Variants in CDH18 observed in about 807,000 individuals in gnomAD.
CDH18 encodes cadherin 18, also known as cadherin-18.
Under a neutral mutation model 67.9 loss-of-function variants are expected in CDH18, and 31 were observed. The ratio of observed to expected loss-of-function variants is 0.46; its 90% CI spans 0.34 to 0.62. The LOEUF is 0.62. CDH18 is among the 20% of genes least tolerant of loss of function. The pLI is 0.01. For missense variants in CDH18, 890 were observed against 975.5 expected (o/e 0.91, Z 1.17); for synonymous variants, 362 against 347.2 (o/e 1.04, Z -0.48).
At chr5:19,994,533 T>TTGAAAC (rs1350155870) in intron 2 of CDH18, among the ~76,000 whole-genome samples, 16 of 149,770 alleles carry the variant, frequency 1.1e-4, no homozygotes, top group Non-Finnish European at 2.1e-4. Context: ...GCTACTGAAA[T>TTGAAAC]TGAAACTACT....
chr5:19,547,129 CCTT>C (rs1354603064), intron 8 of CDH18, among the ~76,000 whole-genome samples: 1 of 151,994 alleles, frequency 6.6e-6, no homozygotes, highest in Non-Finnish European at 1.5e-5. Context: ...AAAACAAAAC[CCTT>C]CTTATAACAT....
At chr5:19,645,034 A>C (rs1027298473) in intron 5 of CDH18, among the ~76,000 whole-genome samples, 12 of 152,188 alleles carry the variant, frequency 7.9e-5, no homozygotes, top group African/African-American at 1.2e-4. Flanking sequence ...AAATAAGAGA[A>C]TAGCAATGCC....
intron 3 of CDH18, among the ~76,000 whole-genome samples, chr5:19,752,161 A>T (rs926645030): frequency 1.3e-5 from 2 of 152,148 alleles, no homozygotes; most frequent in Non-Finnish European, 2.9e-5. Flanking sequence ...GGGGTAGAGG[A>T]AGCAGTGTCC....
intron 2 of CDH18, among the ~76,000 whole-genome samples, chr5:20,234,515 A>G (rs1334857207): frequency 6.6e-6 from 1 of 152,110 alleles, no homozygotes; most frequent in Non-Finnish European, 1.5e-5. Flanking sequence ...TCCACTGTGT[A>G]AAATATATCA....
At position 19,510,746 on chromosome 5, in the gene CDH18, T is replaced by C. The variant is rs188678576; in HGVS notation, c.1513-7637A>G. Among the ~76,000 whole-genome samples, 14 of 151,608 alleles carry C rather than the reference T, an allele frequency of 9.2e-5. 1 individual carries two copies. The highest frequency in any genetic ancestry group is 3.4e-4 in the African/African-American group (14 of 41,306). ...CCTACCTGGAGAGACCAGGTGGAGG[T>C]AATTGGATCATGAGGGTGGCTTTCC... On this transcript the variant is annotated intron_variant, in intron 10 of 12. Transcript: ENST00000382275.
intron 1 of CDH18, among the ~76,000 whole-genome samples, chr5:19,984,488 T>C (rs1191633177): frequency 6.6e-6 from 1 of 152,200 alleles, no homozygotes; most frequent in Non-Finnish European, 1.5e-5. Flanking sequence ...AGATGTTCAC[T>C]TTCATCCATG....
At chr5:20,075,777 T>C (rs759762961) in intron 2 of CDH18, among the ~76,000 whole-genome samples, 1 of 152,184 alleles carries the variant, frequency 6.6e-6, no homozygotes, top group Non-Finnish European at 1.5e-5. Context: ...CCTGTGTTGA[T>C]GATAATTTAG....
chr5:20,011,000 G>A (rs552801808), intron 2 of CDH18, among the ~76,000 whole-genome samples: 7 of 152,136 alleles, frequency 4.6e-5, no homozygotes, highest in African/African-American at 1.4e-4. Flanking sequence ...TCCCCTGCAC[G>A]CACACATCAT....
At chr5:19,530,600 C>T (rs1420054943) in intron 9 of CDH18, among the ~76,000 whole-genome samples, 1 of 151,630 alleles carries the variant, frequency 6.6e-6, no homozygotes. Context: ...TACCCCACAA[C>T]AGTCCCCAGA....
intron 3 of CDH18, among the ~76,000 whole-genome samples, chr5:19,831,353 T>C (rs946233600): frequency 1.3e-5 from 2 of 151,528 alleles, no homozygotes; most frequent in Non-Finnish European, 2.9e-5. Flanking sequence ...TGGGAGAAAA[T>C]TTTTGCAAAC....
At chr5:20,271,641 A>G (rs1745441908) in intron 1 of CDH18, among the ~76,000 whole-genome samples, 1 of 152,076 alleles carries the variant, frequency 6.6e-6, no homozygotes. Context: ...CGTCACACAC[A>G]CTCAAACACA....
At chr5:19,790,178 G>A (rs1355289200) in intron 3 of CDH18, among the ~76,000 whole-genome samples, 1 of 151,938 alleles carries the variant, frequency 6.6e-6, no homozygotes, top group Admixed American at 6.6e-5. Context: ...ACTTTTTTAT[G>A]CTTCTCTCTA....
At chr5:19,699,612 A>ATGTGTG (rs760334528) in intron 5 of CDH18, among the ~76,000 whole-genome samples, 16 of 139,008 alleles carry the variant, frequency 1.2e-4, no homozygotes, top group Non-Finnish European at 1.5e-4. Flanking sequence ...CTCTTTCTCC[A>ATGTGTG]TGTGTGTGTG....
intron 1 of CDH18, among the ~76,000 whole-genome samples, chr5:20,309,520 A>T (rs2149986035): frequency 6.6e-6 from 1 of 152,342 alleles, no homozygotes; most frequent in Non-Finnish European, 1.5e-5. Context: ...ATGATAATTT[A>T]ATTGTAAGAA....
intron 1 of CDH18, among the ~76,000 whole-genome samples, chr5:20,483,775 C>A (rs1347885609): frequency 6.6e-6 from 1 of 151,750 alleles, no homozygotes; most frequent in Non-Finnish European, 1.5e-5. Context: ...TAGATCAGTT[C>A]AATCAGAATG....
At chr5:20,174,114 A>G (rs1737049349) in intron 2 of CDH18, among the ~76,000 whole-genome samples, 1 of 152,216 alleles carries the variant, frequency 6.6e-6, no homozygotes, top group Non-Finnish European at 1.5e-5. Flanking sequence ...AAGAAGAGAA[A>G]AGAATGAAAT....
intron 5 of CDH18, among the ~76,000 whole-genome samples, chr5:19,717,738 A>T (rs978076357): frequency 3.3e-5 from 5 of 152,020 alleles, no homozygotes; most frequent in Non-Finnish European, 7.4e-5. Flanking sequence ...CCTTCCTCAA[A>T]ATGCATTGCT....
At chr5:19,514,686 T>TG (rs1371048828) in intron 10 of CDH18, among the ~76,000 whole-genome samples, 1 of 152,232 alleles carries the variant, frequency 6.6e-6, no homozygotes, top group African/African-American at 2.4e-5. Context: ...CACTTTTTGA[T>TG]GGGGTTGTTT....
intron 2 of CDH18, among the ~76,000 whole-genome samples, chr5:20,108,499 C>A (rs564396971): frequency 1.3e-5 from 2 of 152,220 alleles, no homozygotes; most frequent in African/African-American, 2.4e-5. Context: ...CCCATGACAT[C>A]CACCTTGTCA....
Sources: gnomAD v4.1 joint callset for allele counts (sites outside exome capture counted in the v4.1 genomes callset) on GRCh38, gnomAD v4.1.1 for gene constraint, MANE v1.5 for transcripts, NCBI Gene and HGNC (gene_info 2026-07-23, HGNC 2026-07-21) for gene names.